Variants in LRRTM4 observed in about 807,000 individuals in gnomAD.
LRRTM4 encodes the protein leucine-rich repeat transmembrane neuronal protein 4.
Under a neutral mutation model 47.6 loss-of-function variants are expected in LRRTM4, and 25 were observed. That is an observed-to-expected ratio of 0.53 (90% CI 0.38 to 0.73). The LOEUF (loss-of-function observed/expected upper bound fraction) is 0.73. Among genes scored for constraint, LRRTM4 ranks in the 30% least tolerant of loss-of-function variants. LRRTM4 has a pLI of 0.00. For missense variants in LRRTM4, 638 were observed against 713.4 expected (o/e 0.89, Z 1.20); for synonymous variants, 311 against 269.5 (o/e 1.15, Z -1.51).
intron 3 of LRRTM4, among the ~76,000 whole-genome samples, chr2:77,347,340 A>G (rs983121357): frequency 6.6e-6 from 1 of 152,090 alleles, no homozygotes. Context: ...TAATCACTTC[A>G]TTTAAATTAA....
chr2:77,321,552 A>AGC lies in LRRTM4; in HGVS notation c.1551+196765_1551+196766insGC, dbSNP rs1553428203. Among the ~76,000 whole-genome samples the AGC allele has an allele frequency of 5.4e-3, 114 of 21,246 alleles. 1 individual carries two copies. Among genetic ancestry groups the AGC allele is most frequent in the African/African-American group, 0.013 (111 of 8,794 alleles). 13.9% of individuals were successfully genotyped at this position (21,246 alleles called of 152,430 possible). A position where few individuals can be genotyped will look rare whatever the true frequency, so the allele number is the denominator to read the frequency against. ...CAAATAAGTGTTGGCTAAATCGGGG[A>AGC]GGGGGGGGGGTGTGTGAAAGAAAAG... is the stretch of plus-strand genomic sequence containing the variant. On this transcript the variant is annotated intron_variant, in intron 3 of 3. Coordinates refer to ENST00000409884, the MANE Select transcript of LRRTM4 (RefSeq NM_001134745.3).
intron 3 of LRRTM4, among the ~76,000 whole-genome samples, chr2:77,322,013 A>C (rs942981708): frequency 6.6e-6 from 1 of 152,324 alleles, no homozygotes; most frequent in Non-Finnish European, 1.5e-5. Context: ...GTAGGAGGGT[A>C]AAAGGTTTTT....
At chr2:77,412,521 G>A (rs1299859887) in intron 3 of LRRTM4, among the ~76,000 whole-genome samples, 2 of 152,132 alleles carry the variant, frequency 1.3e-5, no homozygotes, top group African/African-American at 2.4e-5. Context: ...CAGCCTAAAT[G>A]TGAATTACTC....
At chr2:77,242,961 G>T (rs1675310847) in intron 3 of LRRTM4, among the ~76,000 whole-genome samples, 3 of 152,010 alleles carry the variant, frequency 2.0e-5, no homozygotes, top group Admixed American at 2.0e-4. Flanking sequence ...GCCAAAAGGT[G>T]GAAACAACCC....
At chr2:76,779,401 T>A (rs1174295483) in intron 3 of LRRTM4, among the ~76,000 whole-genome samples, 3 of 150,676 alleles carry the variant, frequency 2.0e-5, no homozygotes, top group Admixed American at 6.6e-5. Flanking sequence ...AGTCTAAGTC[T>A]CTTTGTAGGT....
At chr2:77,509,173 A>G (rs964172458) in intron 3 of LRRTM4, among the ~76,000 whole-genome samples, 3 of 150,136 alleles carry the variant, frequency 2.0e-5, no homozygotes, top group Non-Finnish European at 4.4e-5. Flanking sequence ...TGGAGGTTGC[A>G]GTGAGCTGAG....
chr2:76,865,443 G>T (rs898864188), intron 3 of LRRTM4, among the ~76,000 whole-genome samples: 2 of 152,110 alleles, frequency 1.3e-5, no homozygotes, highest in East Asian at 3.8e-4. Flanking sequence ...TAAAATTAGA[G>T]AAAGTCCTAT....
At chr2:76,766,497 C>T (rs1344002730) in intron 3 of LRRTM4, among the ~76,000 whole-genome samples, 2 of 152,178 alleles carry the variant, frequency 1.3e-5, no homozygotes, top group East Asian at 3.9e-4. Flanking sequence ...TAACCTTTTA[C>T]CCCTTCAGTT....
intron 3 of LRRTM4, among the ~76,000 whole-genome samples, chr2:77,093,050 G>A (rs1286926515): frequency 6.9e-6 from 1 of 145,918 alleles, no homozygotes; most frequent in Admixed American, 6.8e-5. Flanking sequence ...TTAGGCCCCA[G>A]TCTCATTCCA....
chr2:77,103,731 A>G (rs1177886971), intron 3 of LRRTM4, among the ~76,000 whole-genome samples: 1 of 150,440 alleles, frequency 6.6e-6, no homozygotes, highest in African/African-American at 2.4e-5. Context: ...GTAGTTCTGT[A>G]AAGCAATACT....
At chr2:76,955,416 A>G (rs1675639678) in intron 3 of LRRTM4, among the ~76,000 whole-genome samples, 1 of 151,830 alleles carries the variant, frequency 6.6e-6, no homozygotes, top group Admixed American at 6.6e-5. Context: ...TACCATGATA[A>G]GGTGTTTTAT....
intron 3 of LRRTM4, among the ~76,000 whole-genome samples, chr2:76,983,736 T>C (rs1676693182): frequency 6.6e-6 from 1 of 152,076 alleles, no homozygotes; most frequent in African/African-American, 2.4e-5. Flanking sequence ...AAAGAAATGA[T>C]GTGGATCGTT....
intron 3 of LRRTM4, among the ~76,000 whole-genome samples, chr2:77,515,681 C>T (rs1679179446): frequency 6.6e-6 from 1 of 151,638 alleles, no homozygotes; most frequent in Admixed American, 6.6e-5. Flanking sequence ...ATATATGAGA[C>T]TTATGAAAAC....
intron 3 of LRRTM4, among the ~76,000 whole-genome samples, chr2:77,013,666 CCAGCTCCTAAAGAAAA>C (rs1677955499): frequency 6.6e-6 from 1 of 152,108 alleles, no homozygotes; most frequent in Non-Finnish European, 1.5e-5. Context: ...GAAATCAATG[CCAGCTCCTAAAGAAAA>C]CAGCGATAAC....
intron 3 of LRRTM4, among the ~76,000 whole-genome samples, chr2:76,964,548 C>T (rs529720696): frequency 6.6e-6 from 1 of 150,666 alleles, no homozygotes; most frequent in Non-Finnish European, 1.5e-5. Flanking sequence ...TCTGTACTCC[C>T]TGTCATATAT....
At chr2:76,899,647 G>T (rs915875867) in intron 3 of LRRTM4, among the ~76,000 whole-genome samples, 6 of 151,990 alleles carry the variant, frequency 3.9e-5, no homozygotes, top group Non-Finnish European at 8.8e-5. Context: ...GCAGGAAAAA[G>T]TAATAGAAAA....
intron 3 of LRRTM4, among the ~76,000 whole-genome samples, chr2:77,059,931 T>A (rs10185709): frequency 0.28 from 42,030 of 152,054 alleles, 8,411 homozygotes; most frequent in African/African-American, 0.57. Flanking sequence ...ATCTTAAGAA[T>A]TAAGAATCAA....
intron 3 of LRRTM4, among the ~76,000 whole-genome samples, chr2:76,759,424 A>T (rs994697608): frequency 6.6e-6 from 1 of 152,096 alleles, no homozygotes; most frequent in East Asian, 1.9e-4. Flanking sequence ...TATTCAGGTC[A>T]TTTAGATCAA....
At chr2:76,881,105 C>A (rs576406581) in intron 3 of LRRTM4, among the ~76,000 whole-genome samples, 2 of 152,004 alleles carry the variant, frequency 1.3e-5, no homozygotes, top group Non-Finnish European at 2.9e-5. Flanking sequence ...TCCCAACACA[C>A]AGAAATAATA....
Sources: gnomAD v4.1 joint callset for allele counts (sites outside exome capture counted in the v4.1 genomes callset) on GRCh38, gnomAD v4.1.1 for gene constraint, MANE v1.5 for transcripts, NCBI Gene and HGNC (gene_info 2026-07-23, HGNC 2026-07-21) for gene names.